The following GABRD variants were observed in gnomAD, a reference collection of about 807,000 sequenced individuals.
GABRD encodes the protein gamma-aminobutyric acid receptor subunit delta.
GABRD carries 25 observed loss-of-function variants against 47.3 expected under a neutral mutation model. That is an observed-to-expected ratio of 0.53 (90% CI 0.39 to 0.74). GABRD has a LOEUF of 0.74. Ranked by LOEUF, GABRD falls within the 30% of genes least tolerant of loss-of-function variation. The probability of loss-of-function intolerance (pLI) is 0.00; values close to 1 mark genes in which losing one functional copy is unlikely to be tolerated. For synonymous variants in GABRD, 314 were observed against 278.8 expected (o/e 1.13, Z -1.26); for missense variants, 497 against 643.4 (o/e 0.77, Z 2.46).
intron 4 of GABRD, 50 bp downstream of exon 4, chr1:2,025,788 G>T (rs1658907416): frequency 1.3e-6 from 2 of 1,549,362 alleles, no homozygotes; most frequent in East Asian, 4.5e-5. Flanking sequence ...CCCGGGCCAA[G>T]CGTCGGCGCC....
In GABRD at chr1:2,029,194, G is replaced by A. The variant is rs148908731; in HGVS notation, c.775G>A (p.Val259Ile). Residue 259 changes from valine (V) to isoleucine (I), a missense_variant, in exon 7 of 9, where the codon GTC (valine) becomes ATC (isoleucine). Around this residue, in one of 3 missense-constraint regions of GABRD, gnomAD observed 285 missense variants for 436.6 expected, o/e 0.65. Transcript: ENST00000378585. ...VYIIQSYMPS[V>I]LLVAMSWVSF... is the part of the protein sequence containing the mutation. Reference sequence around the variant, plus strand: ...CATCATCCAATCCTACATGCCCTCCGTCCTGCTGGTCGCCATGTCCTGGGT... The same window carrying A: ...CATCATCCAATCCTACATGCCCTCCATCCTGCTGGTCGCCATGTCCTGGGT... The A allele has an allele frequency of 1.0e-4, 160 of 1,566,038 alleles. 1 individual carries two copies. The highest frequency in any genetic ancestry group is 9.2e-4 in the African/African-American group (68 of 73,684).
rs1030509628 is a variant in GABRD at position 2,028,675 on chromosome 1, T to C, written c.691+383T>C. Among the ~76,000 whole-genome samples the C allele has an allele frequency of 4.6e-5, 7 of 152,188 alleles. No homozygotes were observed. Among genetic ancestry groups the C allele is most frequent in the African/African-American group, 1.7e-4 (7 of 41,450 alleles). Reference sequence around the variant, plus strand: ...GCTCAGGAGCCAAGCTTTCCTTGGCTACCTTGTCTCCCAGCCCCACTTTCC... The same window carrying C: ...GCTCAGGAGCCAAGCTTTCCTTGGCCACCTTGTCTCCCAGCCCCACTTTCC... On this transcript the variant is annotated intron_variant, in intron 6 of 8. Transcript: ENST00000378585. This position sits in a 1 kb window ranked among gnomAD's most constrained non-coding sequence, Gnocchi z 6.4.
In GABRD at chr1:2,025,386, C is replaced by T. The variant is rs576565752; in HGVS notation, c.234C>T (p.Ile78=). 6.2e-7 allele frequency: 1 copy of T among 1,613,046 alleles called. No homozygotes were observed. Among genetic ancestry groups the T allele is most frequent in the Non-Finnish European group, 8.5e-7 (1 of 1,179,994 alleles). ...LALEVASIDH[I]SEANMEYTMT... ...TGGAGGTGGCCAGCATCGACCACAT[C>T]TCAGAGGCCAACATGGTAGGTGCCA... Residue 78 remains isoleucine, a synonymous_variant, in exon 3 of 9, where the codon ATC becomes ATT. Transcript: ENST00000378585.
chr1:2,027,616 A>G lies in GABRD; in HGVS notation c.510A>G (p.Lys170=). 2 of 1,613,900 alleles carry G rather than the reference A, an allele frequency of 1.2e-6. No homozygotes were observed. Among genetic ancestry groups the G allele is most frequent in the Non-Finnish European group, 1.7e-6 (2 of 1,179,974 alleles). Residue 170 remains lysine, a synonymous_variant, in exon 5 of 9, where the codon AAA becomes AAG. Transcript: ENST00000378585. ...TGGCCTGCGACATGGACCTGGCCAAATACCCCATGGACGAGCAGGAGTGCA... is the reference window on the plus strand; with the variant it reads ...TGGCCTGCGACATGGACCTGGCCAAGTACCCCATGGACGAGCAGGAGTGCA... ...STVACDMDLA[K]YPMDEQECML... is the part of the protein sequence containing the mutation.
intron 2 of GABRD, 63 bp from the exon 3 acceptor site, chr1:2,025,259 ACCCCGGCAGGGT>A: frequency 6.4e-7 from 1 of 1,556,296 alleles, no homozygotes; most frequent in Non-Finnish European, 8.8e-7. Context: ...TGTGACTGGG[ACCCCGGCAGGGT>A]CCCATCGTGG....
chr1:2,022,866 G>A (rs1340802686), intron 1 of GABRD, among the ~76,000 whole-genome samples: 2 of 152,248 alleles, frequency 1.3e-5, no homozygotes, highest in Non-Finnish European at 2.9e-5. Flanking sequence ...GTCCAGGACA[G>A]ATTGGGGTTG....
chr1:2,026,628 G>C (rs1208156707), intron 4 of GABRD: 1 of 152,100 alleles, frequency 6.6e-6, no homozygotes, highest in Non-Finnish European at 1.5e-5. Flanking sequence ...GAGGTCAAGA[G>C]ATCGAGACCA....
chr1:2,019,455 T>C lies in GABRD; in HGVS notation c.32T>C (p.Leu11Pro). Residue 11 changes from leucine to proline, a missense_variant, in exon 1 of 9, where the codon CTC (leucine) becomes CCC (proline). Leu to Pro is a moderately conservative substitution (Grantham distance 98). Coordinates refer to ENST00000378585, the MANE Select transcript of GABRD (RefSeq NM_000815.5). ...GCGCCCGCCCGGCTGCTGGCCCCGC[T>C]CCTGCTCCTCTGCGCGCAGCAGCTC... MDAPARLLAP[L>P]LLLCAQQLRG... 1 of 1,091,192 alleles carries C rather than the reference T, an allele frequency of 9.2e-7. No individual in the cohort carries two copies. The highest frequency in any genetic ancestry group is 1.1e-6 in the Non-Finnish European group (1 of 902,606). The allele number at this position is 1,091,192 out of a possible 1,614,324, so 67.6% of individuals were successfully genotyped here.
At chr1:2,025,777 GC>G (rs746471597) in intron 4 of GABRD, 39 bp downstream of exon 4, 27 of 1,577,920 alleles carry the variant, frequency 1.7e-5, no homozygotes, top group African/African-American at 2.8e-5. Context: ...GGGAGAGCCT[GC>G]CCGGGCCAAG....
intron 1 of GABRD, among the ~76,000 whole-genome samples, chr1:2,023,112 C>T (rs1344657767): frequency 6.6e-6 from 1 of 152,048 alleles, no homozygotes; most frequent in Non-Finnish European, 1.5e-5. Flanking sequence ...AGAGTGTCCA[C>T]CTCCCAGCAT....
chr1:2,030,287 A>G lies in GABRD; in HGVS notation c.*5A>G, dbSNP rs773288555. The G allele has an allele frequency of 3.3e-6, 5 of 1,514,972 alleles. No homozygotes were observed. The East Asian group carries it at 9.4e-5, about 28-fold the overall frequency. 93.8% of individuals were successfully genotyped at this position (1,514,972 alleles called of 1,614,324 possible). Reference sequence around the variant, plus strand: ...TGGGCGGCATACGCCATGTGAGCACAGGACTCAGGCCACCCTCGCTTGTCC... The same window carrying G: ...TGGGCGGCATACGCCATGTGAGCACGGGACTCAGGCCACCCTCGCTTGTCC... On this transcript the variant is annotated 3_prime_UTR_variant, in exon 9 of 9. Coordinates refer to ENST00000378585, the MANE Select transcript of GABRD (RefSeq NM_000815.5).
chr1:2,030,030 C>T lies in GABRD; in HGVS notation c.1107C>T (p.Gly369=), dbSNP rs148300882. ...AIVLFSLSAA[G]VTQELAISRR... ...TCCTCTTCTCCCTCTCTGCTGCCGG[C>T]GTCACGCAGGAGCTGGCCATCTCCC... Residue 369 remains glycine (G), a synonymous_variant, in exon 9 of 9, where the codon GGC becomes GGT. Coordinates refer to ENST00000378585, the MANE Select transcript of GABRD (RefSeq NM_000815.5). The T allele has an allele frequency of 5.6e-6, 9 of 1,612,632 alleles. No homozygotes were observed. The highest frequency in any genetic ancestry group is 2.2e-5 in the East Asian group (1 of 44,878).
chr1:2,026,833 CA>C (rs36009212), intron 4 of GABRD: 37,390 of 129,950 alleles, frequency 0.29, 4,948 homozygotes, highest in East Asian at 0.5. Context: ...GACTCCATCT[CA>C]AAAAAAAAAA....
At chr1:2,026,771 C>T (rs2102149341) in intron 4 of GABRD, 1 of 151,388 alleles carries the variant, frequency 6.6e-6, no homozygotes, top group South Asian at 2.1e-4. Context: ...GGAGGCAGAG[C>T]TTGCAGTGAG....
rs141082183 is a variant in GABRD at position 2,029,742 on chromosome 1, G to A, written c.1039G>A (p.Val347Ile). 5 of 1,612,954 alleles carry A rather than the reference G, an allele frequency of 3.1e-6. No individual in the cohort carries two copies. Among genetic ancestry groups the A allele is most frequent in the Non-Finnish European group, 4.2e-6 (5 of 1,179,966 alleles). ...GAAGAAGCAGAAGGCCAAGGTCAAG[G>A]TCTCCAGGCCGAGGGCAGAGGTGAG... ...YRKKQKAKVK[V>I]SRPRAEMDVR... is the part of the protein sequence containing the mutation. Residue 347 changes from valine (V) to isoleucine (I), a missense_variant, in exon 8 of 9, where the codon GTC becomes ATC. Coordinates refer to ENST00000378585, the MANE Select transcript of GABRD (RefSeq NM_000815.5).
chr1:2,024,907 C>T, intron 1 of GABRD, 35 bp from the exon 2 acceptor site: 3 of 1,479,748 alleles, frequency 2.0e-6, no homozygotes, highest in Non-Finnish European at 2.8e-6. Flanking sequence ...TAAATTAAGT[C>T]CTGGCCTGTC....
chr1:2,025,569 T>C lies in GABRD; in HGVS notation c.301T>C (p.Ser101Pro). ...CCAGAGCTGGCGGGACAGCAGGCTC[T>C]CCTACAACCACACCAACGAGACCCT... ...LHQSWRDSRL[S>P]YNHTNETLGL... Residue 101 changes from serine to proline, a missense_variant, in exon 4 of 9, where the codon TCC becomes CCC. Around this residue, in one of 3 missense-constraint regions of GABRD, gnomAD observed 285 missense variants for 436.6 expected, o/e 0.65. Coordinates refer to ENST00000378585, the MANE Select transcript of GABRD (RefSeq NM_000815.5). 2 of 1,613,024 alleles carry C rather than the reference T, an allele frequency of 1.2e-6. No individual in the cohort carries two copies. The highest frequency in any genetic ancestry group is 1.7e-6 in the Non-Finnish European group (2 of 1,179,984).
Position 2,028,139 on chromosome 1 carries a change from T to C in GABRD, c.554-16T>C. On this transcript the variant is annotated splice_polypyrimidine_tract_variant and intron_variant, in intron 5 of 8. Coordinates refer to ENST00000378585, the MANE Select transcript of GABRD (RefSeq NM_000815.5). This position sits in a 1 kb window ranked among gnomAD's most constrained non-coding sequence, Gnocchi z 6.4. ...AGGGCCGGGCTCTGCCGCCCACCTG[T>C]GTGCTTTTCCTCCAGACGGTTACTC... 2 of 1,602,650 alleles carry C rather than the reference T, an allele frequency of 1.2e-6. No homozygotes were observed. Among genetic ancestry groups the C allele is most frequent in the South Asian group, 1.1e-5 (1 of 90,714 alleles).
Position 2,019,365 on chromosome 1 carries a change from G to A in GABRD, c.-59G>A, listed in dbSNP as rs1658711960. On this transcript the variant is annotated 5_prime_UTR_variant, in exon 1 of 9. Transcript: ENST00000378585. ...CGCTCAGCTCCCGCCCGCCTGTGCCGCCTGTGCGGCCGCCGGGAGCCAAGT... is the reference window on the plus strand; with the variant it reads ...CGCTCAGCTCCCGCCCGCCTGTGCCACCTGTGCGGCCGCCGGGAGCCAAGT... The A allele has an allele frequency of 1.1e-6, 1 of 946,150 alleles. No individual in the cohort carries two copies. Among genetic ancestry groups the A allele is most frequent in the Non-Finnish European group, 1.3e-6 (1 of 790,754 alleles). 58.6% of individuals were successfully genotyped at this position (946,150 alleles called of 1,614,324 possible). A position where few individuals can be genotyped will look rare whatever the true frequency, so the allele number is the denominator to read the frequency against.
Sources: allele counts gnomAD v4.1 joint callset (sites outside exome capture counted in the v4.1 genomes callset), GRCh38; gene constraint gnomAD v4.1.1; regional missense constraint gnomAD v4.1.1; non-coding constraint Gnocchi (gnomAD v3.1); transcripts MANE v1.5; gene names NCBI Gene and HGNC (gene_info 2026-07-23, HGNC 2026-07-21).